UQCRC2: variants seen among roughly 807,000 people sequenced by gnomAD.
The protein encoded by UQCRC2 is cytochrome b-c1 complex subunit 2, mitochondrial.
Under a neutral mutation model 55.6 loss-of-function variants are expected in UQCRC2, and 49 were observed. The ratio of observed to expected loss-of-function variants is 0.88; its 90% CI spans 0.70 to 1.12. The LOEUF (loss-of-function observed/expected upper bound fraction) is 1.12, where lower values mean the gene tolerates loss of function less well. Ranked by LOEUF, UQCRC2 falls within the 50% of genes most tolerant of loss-of-function variation. The pLI is 0.00. For synonymous variants in UQCRC2, 193 were observed against 192.0 expected (o/e 1.01, Z -0.04); for missense variants, 506 against 547.8 (o/e 0.92, Z 0.76).
rs1280383974 is a variant in UQCRC2, at chr16:21,983,231, C to A, written c.*60C>A. ...TTCTCTCAGCCCAGAGCAGCAAACA[C>A]ATGAAAGTCAGAAGTCTCTAATATA... On this transcript the variant is annotated 3_prime_UTR_variant, in exon 14 of 14. Transcript: ENST00000268379. 1 of 1,476,080 alleles carries A rather than the reference C, an allele frequency of 6.8e-7. No homozygotes were observed. Among genetic ancestry groups the A allele is most frequent in the South Asian group, 1.2e-5 (1 of 82,634 alleles). 91.4% of individuals were successfully genotyped at this position (1,476,080 alleles called of 1,614,324 possible). A position where few individuals can be genotyped will look rare whatever the true frequency, so the allele number is the denominator to read the frequency against.
Position 21,983,268 on chromosome 16 carries a change from T to C in UQCRC2, c.*97T>C. ...AAGTCTCTAATATATCATTTGTCTT[T>C]TTTCCAGTGAGGTAAAATAAGGCAT... On this transcript the variant is annotated 3_prime_UTR_variant, in exon 14 of 14. Coordinates refer to ENST00000268379, the MANE Select transcript of UQCRC2 (RefSeq NM_003366.4). 2 of 1,114,738 alleles carry C rather than the reference T, an allele frequency of 1.8e-6. No individual in the cohort carries two copies. The highest frequency in any genetic ancestry group is 2.6e-6 in the Non-Finnish European group (2 of 776,380). The allele number at this position is 1,114,738 out of a possible 1,614,324, so 69.1% of individuals were successfully genotyped here.
intron 1 of UQCRC2, among the ~76,000 whole-genome samples, chr16:21,956,594 A>G (rs565868535): frequency 1.3e-5 from 2 of 152,324 alleles, no homozygotes; most frequent in East Asian, 3.9e-4. Flanking sequence ...AAAAAATGCC[A>G]AAGCTTTAGA....
At chr16:21,977,479 CA>C (rs1898613795) in intron 12 of UQCRC2, among the ~76,000 whole-genome samples, 1 of 151,996 alleles carries the variant, frequency 6.6e-6, no homozygotes, top group Non-Finnish European at 1.5e-5. Flanking sequence ...AATTTATACC[CA>C]AAAAAGATCT....
intron 1 of UQCRC2, among the ~76,000 whole-genome samples, chr16:21,954,614 A>T (rs1305401149): frequency 2.0e-5 from 3 of 152,224 alleles, no homozygotes; most frequent in Non-Finnish European, 4.4e-5. Context: ...ACTTGAAAGC[A>T]ATTATTTATG....
chr16:21,982,963 CAAAAAAAA>C (rs1036084484), intron 13 of UQCRC2, 117 bp from the exon 14 acceptor site: 5 of 537,708 alleles, frequency 9.3e-6, no homozygotes, highest in South Asian at 2.3e-5. Flanking sequence ...GACTCCACCT[CAAAAAAAA>C]AAAAAAAAAA....
At chr16:21,955,253 C>G (rs7196121) in intron 1 of UQCRC2, among the ~76,000 whole-genome samples, 102,767 of 151,956 alleles carry the variant, frequency 0.68, 36,573 homozygotes, top group Non-Finnish European at 0.8. Flanking sequence ...CCATACCCAG[C>G]AAACTAAATT....
intron 4 of UQCRC2, among the ~76,000 whole-genome samples, chr16:21,959,983 T>C (rs1431028007): frequency 1.3e-5 from 2 of 152,218 alleles, no homozygotes; most frequent in African/African-American, 4.8e-5. Context: ...TTACAGAGCA[T>C]AGGCAGAGTA....
intron 12 of UQCRC2, chr16:21,977,037 GTGTGTGTA>G (rs1898602833): frequency 1.3e-5 from 2 of 152,120 alleles, no homozygotes; most frequent in Admixed American, 6.6e-5. Flanking sequence ...CCATGTTAGA[GTGTGTGTA>G]TGTGTGTATG....
At chr16:21,958,708 A>G (rs779934387) in intron 4 of UQCRC2, 109 bp downstream of exon 4, 9 of 937,008 alleles carry the variant, frequency 9.6e-6, no homozygotes, top group Non-Finnish European at 1.5e-5. Context: ...GCAACATAAG[A>G]AGGAAAAGAC....
chr16:21,974,062 T>A, intron 11 of UQCRC2, 86 bp downstream of exon 11: 4 of 1,237,980 alleles, frequency 3.2e-6, no homozygotes, highest in Non-Finnish European at 4.6e-6. Context: ...AAATATGGAA[T>A]GTTTGAATGC....
At chr16:21,961,427 A>C in intron 4 of UQCRC2, 2 of 305,212 alleles carry the variant, frequency 6.6e-6, no homozygotes, top group South Asian at 5.2e-5. Context: ...TGAAGGGCAA[A>C]ATAGAGTGTG....
At chr16:21,972,226 A>G (rs1898480987) in intron 10 of UQCRC2, 104 bp downstream of exon 10, 2 of 1,410,328 alleles carry the variant, frequency 1.4e-6, no homozygotes, top group South Asian at 2.6e-5. Flanking sequence ...ACACACAGAA[A>G]ATCTTTGTAC....
intron 1 of UQCRC2, among the ~76,000 whole-genome samples, chr16:21,956,105 G>A (rs1567467349): frequency 6.6e-6 from 1 of 152,198 alleles, no homozygotes; most frequent in Non-Finnish European, 1.5e-5. Flanking sequence ...GATTACAGGC[G>A]TGAGCCACCG....
chr16:21,980,243 AG>A, intron 12 of UQCRC2: 1 of 287,394 alleles, frequency 3.5e-6, no homozygotes. Context: ...GGGAAGCATT[AG>A]GGAGCTCTCC....
At chr16:21,976,131 T>TGACCC in intron 11 of UQCRC2, 36 bp from the exon 12 acceptor site, 2 of 1,504,522 alleles carry the variant, frequency 1.3e-6, no homozygotes, top group Non-Finnish European at 1.9e-6. Context: ...ACTCTGGTAC[T>TGACCC]GACCACAGAT....
intron 6 of UQCRC2, among the ~76,000 whole-genome samples, chr16:21,965,078 C>T (rs987006463): frequency 6.6e-6 from 1 of 151,950 alleles, no homozygotes; most frequent in African/African-American, 2.4e-5. Flanking sequence ...AAGATGGCGG[C>T]AGAACCATAA....
At chr16:21,964,509 C>T (rs1898279432) in intron 6 of UQCRC2, among the ~76,000 whole-genome samples, 1 of 152,144 alleles carries the variant, frequency 6.6e-6, no homozygotes, top group African/African-American at 2.4e-5. Flanking sequence ...ACTTTATGCT[C>T]TACCCTCTTC....
In UQCRC2 at chr16:21,973,054, C is replaced by T. The variant is rs186511684; in HGVS notation, c.967-842C>T. On this transcript the variant is annotated intron_variant, in intron 10 of 13. Coordinates refer to ENST00000268379, the MANE Select transcript of UQCRC2 (RefSeq NM_003366.4). ...GGCGGAGGATTCAGTAAGCTGAGAT[C>T]GTGCCACTGCACTCCAGCCTGGGTG... Among the ~76,000 whole-genome samples the T allele has an allele frequency of 4.4e-4, 67 of 152,280 alleles. 2 individuals carry two copies. The East Asian group carries it at 7.7e-3, about 18-fold the overall frequency.
intron 12 of UQCRC2, among the ~76,000 whole-genome samples, chr16:21,977,563 C>T (rs541907865): frequency 6.6e-6 from 1 of 152,102 alleles, no homozygotes; most frequent in Non-Finnish European, 1.5e-5. Context: ...CCCCACTGTC[C>T]AGATTGAAAG....
Sources: gnomAD v4.1 joint callset for allele counts (sites outside exome capture counted in the v4.1 genomes callset) on GRCh38, gnomAD v4.1.1 for gene constraint, MANE v1.5 for transcripts, NCBI Gene and HGNC (gene_info 2026-07-23, HGNC 2026-07-21) for gene names.